The following LRRTM4 variants were observed in gnomAD, a reference collection of about 807,000 sequenced individuals.
The protein encoded by LRRTM4 is leucine rich repeat transmembrane neuronal 4, also known as leucine-rich repeat transmembrane neuronal protein 4.
In LRRTM4, 25 loss-of-function variants were observed where a neutral mutation model predicts 47.6. That is an observed-to-expected ratio of 0.53 (90% confidence interval 0.38 to 0.73). The LOEUF (loss-of-function observed/expected upper bound fraction) is 0.73. LRRTM4 is among the 30% of genes least tolerant of loss of function. The pLI, the probability that LRRTM4 is intolerant of heterozygous loss-of-function variation, is 0.00. For synonymous variants in LRRTM4, 311 were observed against 269.5 expected, an observed-to-expected ratio of 1.15 and a Z score of -1.51; for missense variants, 638 against 713.4, an observed-to-expected ratio of 0.89 and a Z score of 1.20.
At chr2:77,225,513 T>A in intron 3 of LRRTM4, among the ~76,000 whole-genome samples, 1 of 152,088 alleles carries the variant, frequency 6.6e-6, no homozygotes, top group East Asian at 1.9e-4. Context: ...TTTCCATTTT[T>A]CTGTGCCTCC....
At chr2:76,753,498 T>C (rs1672919838) in intron 3 of LRRTM4, among the ~76,000 whole-genome samples, 2 of 152,210 alleles carry the variant, frequency 1.3e-5, no homozygotes, top group African/African-American at 4.8e-5. Context: ...TTGTGTATGT[T>C]CTGGTTTTCT....
chr2:76,809,844 G>A lies in LRRTM4; in HGVS notation c.1552-60928C>T, dbSNP rs143695469. ...GGACATGCTGAGCTTGCTTTTGAGT[G>A]TCTTTGGACATTCTGTTTTTTCTGG... On this transcript the variant is annotated intron_variant, in intron 3 of 3. Transcript: ENST00000409884. Among the ~76,000 whole-genome samples the A allele has an allele frequency of 5.6e-3, 846 of 152,214 alleles. 9 individuals carry two copies. The highest frequency in any genetic ancestry group is 0.019 in the African/African-American group (810 of 41,546).
chr2:76,851,960 G>T (rs965617676), intron 3 of LRRTM4, among the ~76,000 whole-genome samples: 1 of 151,924 alleles, frequency 6.6e-6, no homozygotes, highest in East Asian at 1.9e-4. Flanking sequence ...TATGATTCTT[G>T]AGTTTTAATA....
chr2:76,859,400 T>A (rs536713933), intron 3 of LRRTM4, among the ~76,000 whole-genome samples: 1 of 152,296 alleles, frequency 6.6e-6, no homozygotes, highest in African/African-American at 2.4e-5. Flanking sequence ...AATGCCCAGA[T>A]GTATTATATA....
intron 3 of LRRTM4, among the ~76,000 whole-genome samples, chr2:77,245,219 T>C (rs988965127): frequency 1.3e-5 from 2 of 151,724 alleles, no homozygotes; most frequent in African/African-American, 4.8e-5. Flanking sequence ...ATACTTTAAA[T>C]GTACAACTCA....
At chr2:77,513,248 A>G (rs1470690456) in intron 3 of LRRTM4, among the ~76,000 whole-genome samples, 2 of 152,146 alleles carry the variant, frequency 1.3e-5, no homozygotes, top group Non-Finnish European at 2.9e-5. Context: ...TTAGTAACTG[A>G]AGAAGTTCTT....
intron 3 of LRRTM4, among the ~76,000 whole-genome samples, chr2:77,421,748 T>C (rs1205077560): frequency 6.6e-6 from 1 of 151,746 alleles, no homozygotes; most frequent in East Asian, 1.9e-4. Context: ...CTGAATATCC[T>C]ACAGTGCACA....
intron 3 of LRRTM4, among the ~76,000 whole-genome samples, chr2:77,243,878 T>C (rs1344579386): frequency 7.1e-6 from 1 of 140,750 alleles, no homozygotes; most frequent in East Asian, 2.0e-4. Context: ...CACTAACTCG[T>C]CATCTAGCCT....
intron 3 of LRRTM4, among the ~76,000 whole-genome samples, chr2:76,798,698 C>T (rs558046053): frequency 0.037 from 5,434 of 147,212 alleles, 196 homozygotes; most frequent in African/African-American, 0.12. Context: ...ATTGATAGAC[C>T]GCTAGCAAGA....
rs1246637108 is a variant in LRRTM4, at chr2:77,224,414, C to T, written c.1551+293904G>A. On this transcript the variant is annotated intron_variant, in intron 3 of 3. Coordinates refer to ENST00000409884, the MANE Select transcript of LRRTM4 (RefSeq NM_001134745.3). Reference sequence around the variant, plus strand: ...ACAGCAAAAGAAACTACCATCAGAGCGAACAGGCAACCTACAGAACGGGAG... The same window carrying T: ...ACAGCAAAAGAAACTACCATCAGAGTGAACAGGCAACCTACAGAACGGGAG... 1.6e-4 allele frequency among the ~76,000 whole-genome samples: 24 copies of T among 152,024 alleles called. 1 individual carries two copies. Among genetic ancestry groups the T allele is most frequent in the East Asian group, 1.6e-3 (8 of 5,154 alleles).
chr2:77,390,248 A>AC (rs1455779807), intron 3 of LRRTM4, among the ~76,000 whole-genome samples: 2 of 152,186 alleles, frequency 1.3e-5, no homozygotes, highest in East Asian at 3.9e-4. Flanking sequence ...TGGAAGATAA[A>AC]CAACATTTAA....
chr2:76,803,585 C>A (rs1160555391), intron 3 of LRRTM4, among the ~76,000 whole-genome samples: 1 of 152,268 alleles, frequency 6.6e-6, no homozygotes, highest in Non-Finnish European at 1.5e-5. Flanking sequence ...TTCGGCAATA[C>A]CGCTACTGGG....
At chr2:77,243,504 T>C (rs1234527772) in intron 3 of LRRTM4, among the ~76,000 whole-genome samples, 2 of 151,568 alleles carry the variant, frequency 1.3e-5, no homozygotes, top group African/African-American at 4.8e-5. Context: ...TTTATAGAGA[T>C]AGAAAGTAGA....
intron 3 of LRRTM4, among the ~76,000 whole-genome samples, chr2:76,868,017 A>T (rs1672513449): frequency 6.6e-6 from 1 of 152,182 alleles, no homozygotes; most frequent in South Asian, 2.1e-4. Context: ...AGAAAGCCCT[A>T]TTGAGTCAAG....
At chr2:77,434,238 A>C (rs892276801) in intron 3 of LRRTM4, among the ~76,000 whole-genome samples, 1 of 140,240 alleles carries the variant, frequency 7.1e-6, no homozygotes, top group Non-Finnish European at 1.6e-5. Flanking sequence ...ATCAGATCCC[A>C]GATTGGGAAA....
chr2:77,167,842 C>A (rs551975201), intron 3 of LRRTM4, among the ~76,000 whole-genome samples: 8 of 151,906 alleles, frequency 5.3e-5, no homozygotes, highest in Admixed American at 2.0e-4. Context: ...AGGAGATATA[C>A]CTAATGTAAA....
chr2:76,895,785 A>T (rs1214717737), intron 3 of LRRTM4, among the ~76,000 whole-genome samples: 1 of 145,950 alleles, frequency 6.9e-6, no homozygotes, highest in Non-Finnish European at 1.5e-5. Context: ...ATAAAAAATT[A>T]AGAAAATGGC....
chr2:76,784,140 G>C (rs886796658), intron 3 of LRRTM4, among the ~76,000 whole-genome samples: 1 of 152,046 alleles, frequency 6.6e-6, no homozygotes, highest in Non-Finnish European at 1.5e-5. Context: ...TTAATGTTCA[G>C]TGGTGGCTGT....
intron 3 of LRRTM4, among the ~76,000 whole-genome samples, chr2:76,803,550 A>G (rs1283690914): frequency 2.0e-5 from 3 of 152,190 alleles, no homozygotes; most frequent in African/African-American, 7.2e-5. Context: ...TTTCTCAAAA[A>G]ATTAAATATA....
Sources: gnomAD v4.1 joint callset for allele counts (sites outside exome capture counted in the v4.1 genomes callset) on GRCh38, gnomAD v4.1.1 for gene constraint, MANE v1.5 for transcripts, NCBI Gene and HGNC (gene_info 2026-07-23, HGNC 2026-07-21) for gene names.